The following WDSUB1 variants were observed in gnomAD, a reference collection of about 807,000 sequenced individuals.
WDSUB1 encodes the protein WD repeat, SAM and U-box domain-containing protein 1.
A neutral mutation model predicts 53.9 loss-of-function variants in WDSUB1; 49 were observed. The observed-to-expected ratio is 0.91, with a 90% CI of 0.72 to 1.15. The LOEUF (loss-of-function observed/expected upper bound fraction) is 1.15, where lower values mean the gene tolerates loss of function less well. Ranked by LOEUF, WDSUB1 falls within the 50% of genes most tolerant of loss-of-function variation. The pLI is 0.00. For synonymous variants in WDSUB1, 194 were observed against 200.6 expected (o/e 0.97, Z 0.28); for missense variants, 514 against 562.0 (o/e 0.91, Z 0.86).
intron 10 of WDSUB1, among the ~76,000 whole-genome samples, chr2:159,237,868 AGTCTTAT>A (rs2060529637): frequency 6.6e-6 from 1 of 152,178 alleles, no homozygotes; most frequent in Non-Finnish European, 1.5e-5. Context: ...GCTACAATGA[AGTCTTAT>A]GCATGTGTCA....
chr2:159,260,110 T>C (rs1351336335), intron 5 of WDSUB1, among the ~76,000 whole-genome samples: 1 of 152,152 alleles, frequency 6.6e-6, no homozygotes, highest in African/African-American at 2.4e-5. Context: ...GAGACCAGCC[T>C]GGCCAACATG....
rs2061097420 is a variant in WDSUB1, at chr2:159,257,757, C to A, written c.952+1G>T. On this transcript the variant is annotated splice_donor_variant, in intron 8 of 10. Transcript: ENST00000359774. LOFTEE classifies it high-confidence loss of function. ...GAGTGAAAAATGATGTCCTTACTAA[C>A]CTTGGCAAAGTGTTTCCAGGTCAAA... The A allele has an allele frequency of 6.2e-7, 1 of 1,612,950 alleles. No individual in the cohort carries two copies. The highest frequency in any genetic ancestry group is 1.3e-5 in the African/African-American group (1 of 74,858).
chr2:159,242,295 G>C (rs1263743227), intron 10 of WDSUB1, among the ~76,000 whole-genome samples: 1 of 145,906 alleles, frequency 6.9e-6, no homozygotes, highest in African/African-American at 2.7e-5. Context: ...CTGACCTCAT[G>C]ATCTGCCCAC....
rs2060471760 is a variant in WDSUB1, at chr2:159,236,096, T to C, written c.1368A>G (p.Val456=). The C allele has an allele frequency of 6.2e-7, 1 of 1,613,922 alleles. No individual in the cohort carries two copies. The highest frequency in any genetic ancestry group is 8.5e-7 in the Non-Finnish European group (1 of 1,179,994). The change falls in exon 11 of 11, where the codon GTA becomes GTG. Residue 456 remains valine (V), a synonymous_variant. Transcript: ENST00000359774. ...TTTTCAGAGTCCTATTTGGTGTAAGTACCGCTGAAGGAAGAACAAGATTTG... is the reference window on the plus strand; with the variant it reads ...TTTTCAGAGTCCTATTTGGTGTAAGCACCGCTGAAGGAAGAACAAGATTTG... ...PMTNLVLPSA[V]LTPNRTLKMA...
chr2:159,248,282 C>T (rs2151068218), intron 10 of WDSUB1, 90 bp downstream of exon 10: 1 of 1,474,958 alleles, frequency 6.8e-7, no homozygotes, highest in Non-Finnish European at 9.1e-7. Flanking sequence ...TAAAATTCTT[C>T]ACATTTAAGC....
intron 3 of WDSUB1, among the ~76,000 whole-genome samples, chr2:159,276,122 G>T (rs7571107): frequency 6.6e-6 from 1 of 151,248 alleles, no homozygotes; most frequent in East Asian, 1.9e-4. Flanking sequence ...GCAGTGGTGC[G>T]ATCTTGGCAG....
intron 10 of WDSUB1, among the ~76,000 whole-genome samples, chr2:159,247,910 A>ATATATAAATATATATATATAT (rs2060846247): frequency 2.8e-4 from 5 of 17,692 alleles, no homozygotes; most frequent in Non-Finnish European, 5.3e-4. Flanking sequence ...TATATATATA[A>ATATATAAATATATATATATAT]ATATATATAT....
chr2:159,260,889 G>C (rs1044594100), intron 5 of WDSUB1, among the ~76,000 whole-genome samples: 7 of 152,200 alleles, frequency 4.6e-5, no homozygotes, highest in African/African-American at 1.7e-4. Flanking sequence ...TAAGGGAGCT[G>C]ATCACAGTCT....
rs2060839363 is a variant in WDSUB1, at chr2:159,247,892, T to TATATATATATAAAA, written c.1273+479_1273+480insTTTTATATATATAT. 3.5e-4 allele frequency among the ~76,000 whole-genome samples: 10 copies of TATATATATATAAAA among 28,346 alleles called. No individual in the cohort carries two copies. The East Asian group carries it at 8.6e-3, about 24-fold the overall frequency. 18.6% of individuals were successfully genotyped at this position (28,346 alleles called of 152,430 possible). On this transcript the variant is annotated intron_variant, in intron 10 of 10. Coordinates refer to ENST00000359774, the MANE Select transcript of WDSUB1 (RefSeq NM_001128212.3). ...TGTAGGCCAAAATTAAATAAATATATATATATATATATATATAAATATATA... is the reference window on the plus strand; with the variant it reads ...TGTAGGCCAAAATTAAATAAATATATATATATATATAAAAATATATATATATATATAAATATATA...
chr2:159,261,896 ATTTTTTTTTTTT>A (rs869067609), intron 5 of WDSUB1, among the ~76,000 whole-genome samples: 230 of 22,516 alleles, frequency 0.01, 5 homozygotes, highest in Non-Finnish European at 0.013. Context: ...ATATATATAT[ATTTTTTTTTTTT>A]TTTTTTTTTT....
chr2:159,275,456 G>C lies in WDSUB1; in HGVS notation c.676+90C>G, dbSNP rs2061520175. 3.0e-6 allele frequency: 3 copies of C among 986,086 alleles called. No individual in the cohort carries two copies. In the South Asian group the frequency reaches 5.2e-5, roughly 17 times the overall value. 61.1% of individuals were successfully genotyped at this position (986,086 alleles called of 1,614,324 possible). On this transcript the variant is annotated intron_variant, in intron 4 of 10. Coordinates refer to ENST00000359774, the MANE Select transcript of WDSUB1 (RefSeq NM_001128212.3). Reference sequence around the variant, plus strand: ...AACCATATTTTAATACTTACTTTTAGATACTCAAGGTACCTTAAGTAAAAA... The same window carrying C: ...AACCATATTTTAATACTTACTTTTACATACTCAAGGTACCTTAAGTAAAAA...
At chr2:159,269,456 C>G (rs1314804484) in intron 5 of WDSUB1, among the ~76,000 whole-genome samples, 1 of 152,126 alleles carries the variant, frequency 6.6e-6, no homozygotes, top group African/African-American at 2.4e-5. Flanking sequence ...CAGGCATGAA[C>G]CACCACGCCC....
At chr2:159,238,084 T>C (rs909124313) in intron 10 of WDSUB1, among the ~76,000 whole-genome samples, 1 of 152,228 alleles carries the variant, frequency 6.6e-6, no homozygotes, top group Non-Finnish European at 1.5e-5. Context: ...AGGTAAGCGA[T>C]GGTACAGTAT....
intron 6 of WDSUB1, among the ~76,000 whole-genome samples, chr2:159,259,236 G>A (rs533328993): frequency 1.3e-5 from 2 of 152,138 alleles, no homozygotes; most frequent in Non-Finnish European, 2.9e-5. Context: ...TGTTGGCCAG[G>A]CTGGTCTTAA....
At chr2:159,258,125 T>G in intron 6 of WDSUB1, 140 bp from the exon 7 acceptor site, 1 of 726,470 alleles carries the variant, frequency 1.4e-6, no homozygotes, top group Non-Finnish European at 2.3e-6. Context: ...GAAACTTTAC[T>G]CAATGAATAG....
chr2:159,274,330 A>G (rs1360240313), intron 4 of WDSUB1, among the ~76,000 whole-genome samples: 3 of 152,164 alleles, frequency 2.0e-5, no homozygotes, highest in African/African-American at 4.8e-5. Context: ...AAACTGAGAC[A>G]CTGTCTCTAT....
chr2:159,258,670 T>C (rs2061122177), intron 6 of WDSUB1, among the ~76,000 whole-genome samples: 1 of 152,042 alleles, frequency 6.6e-6, no homozygotes, highest in African/African-American at 2.4e-5. Flanking sequence ...AAAAAACAAA[T>C]AAATAAATTA....
At chr2:159,282,632 G>A in intron 2 of WDSUB1, 40 bp downstream of exon 2, 1 of 1,570,836 alleles carries the variant, frequency 6.4e-7, no homozygotes, top group Non-Finnish European at 8.7e-7. Context: ...AGTACACCTA[G>A]TCAACAGGAT....
intron 1 of WDSUB1, among the ~76,000 whole-genome samples, chr2:159,284,549 C>A (rs954646086): frequency 1.3e-5 from 2 of 152,068 alleles, no homozygotes; most frequent in African/African-American, 4.8e-5. Context: ...ATGTTGAAAG[C>A]TGTCCTATCA....
Sources: allele counts gnomAD v4.1 joint callset (sites outside exome capture counted in the v4.1 genomes callset), GRCh38; gene constraint gnomAD v4.1.1; transcripts MANE v1.5; gene names NCBI Gene and HGNC (gene_info 2026-07-23, HGNC 2026-07-21).